The following USP33 variants were observed in gnomAD, a reference collection of about 807,000 sequenced individuals.
The protein encoded by USP33 is ubiquitin carboxyl-terminal hydrolase 33.
In USP33, 46 loss-of-function variants were observed where a neutral mutation model predicts 124.2. The observed-to-expected ratio is 0.37, with a 90% CI of 0.29 to 0.47. The LOEUF is 0.47. Ranked by LOEUF, USP33 falls within the 20% of genes least tolerant of loss-of-function variation. USP33 has a pLI of 0.99. For missense variants in USP33, 851 were observed against 1,070.6 expected, an observed-to-expected ratio of 0.79 and a Z score of 2.86; for synonymous variants, 350 against 352.3, an observed-to-expected ratio of 0.99 and a Z score of 0.07.
intron 11 of USP33, 105 bp downstream of exon 11, chr1:77,725,517 A>T: frequency 2.8e-6 from 4 of 1,419,118 alleles, no homozygotes; most frequent in Non-Finnish European, 3.8e-6. Flanking sequence ...ATTTTAAAAG[A>T]TCAAATCATA....
intron 21 of USP33, among the ~76,000 whole-genome samples, chr1:77,710,624 T>C (rs1221178778): frequency 2.6e-5 from 4 of 152,192 alleles, no homozygotes; most frequent in African/African-American, 2.4e-5. Flanking sequence ...AAAAAAGCCC[T>C]GAATCAATGA....
chr1:77,736,753 G>T (rs1016153918), intron 5 of USP33, among the ~76,000 whole-genome samples: 3 of 152,022 alleles, frequency 2.0e-5, no homozygotes, highest in African/African-American at 7.2e-5. Context: ...GGGACTATAG[G>T]TGCATGCCAC....
At chr1:77,734,189 A>T (rs1678159694) in intron 7 of USP33, among the ~76,000 whole-genome samples, 158 bp downstream of exon 7, 1 of 152,220 alleles carries the variant, frequency 6.6e-6, no homozygotes, top group Non-Finnish European at 1.5e-5. Context: ...ACGGGTATAC[A>T]TAGAGTAACA....
rs374405993 is a variant in USP33, at chr1:77,743,624, G to A, written c.-51-1876C>T. Reference sequence around the variant, plus strand: ...CATGTAGCTACAACTACAGGTGCACGCCATGTGATTAGACTACCCCAAGCC... The same window carrying A: ...CATGTAGCTACAACTACAGGTGCACACCATGTGATTAGACTACCCCAAGCC... On this transcript the variant is annotated intron_variant, in intron 1 of 23. Coordinates refer to ENST00000370794, the MANE Select transcript of USP33 (RefSeq NM_201624.3). Among the ~76,000 whole-genome samples the A allele has an allele frequency of 1.9e-4, 29 of 152,116 alleles. No individual in the cohort carries two copies. The East Asian group carries it at 3.7e-3, about 19-fold the overall frequency.
At chr1:77,702,835 T>C (rs559070667) in intron 21 of USP33, among the ~76,000 whole-genome samples, 3 of 151,898 alleles carry the variant, frequency 2.0e-5, no homozygotes, top group East Asian at 1.9e-4. Context: ...AAAACTGATA[T>C]AGAAAGAGAA....
chr1:77,700,979 G>A (rs1268327766), intron 22 of USP33, among the ~76,000 whole-genome samples: 2 of 152,100 alleles, frequency 1.3e-5, no homozygotes, highest in South Asian at 2.1e-4. Flanking sequence ...GATTATGGGC[G>A]TGAGCCACCG....
At chr1:77,751,129 A>G (rs1680292844) in intron 1 of USP33, among the ~76,000 whole-genome samples, 1 of 152,216 alleles carries the variant, frequency 6.6e-6, no homozygotes, top group African/African-American at 2.4e-5. Flanking sequence ...ACAAGTTGGA[A>G]ATCACAAAGA....
chr1:77,715,454 C>T (rs1353398568), intron 18 of USP33, among the ~76,000 whole-genome samples: 3 of 152,236 alleles, frequency 2.0e-5, no homozygotes, highest in Non-Finnish European at 2.9e-5. Flanking sequence ...ATCCACCCGC[C>T]TTGGCCTCCC....
intron 5 of USP33, among the ~76,000 whole-genome samples, chr1:77,738,538 T>C (rs184170982): frequency 1.3e-4 from 20 of 152,126 alleles, no homozygotes; most frequent in Non-Finnish European, 2.8e-4. Flanking sequence ...TGGAGTGCAG[T>C]GGCAAGGTCT....
chr1:77,719,440 T>C (rs1345204345), intron 15 of USP33, among the ~76,000 whole-genome samples: 1 of 152,204 alleles, frequency 6.6e-6, no homozygotes, highest in Non-Finnish European at 1.5e-5. Flanking sequence ...GAAAATTGTT[T>C]TGTTTTAACA....
chr1:77,721,576 T>C (rs1676563281), intron 14 of USP33: 4 of 495,504 alleles, frequency 8.1e-6, no homozygotes, highest in Admixed American at 3.9e-5. Flanking sequence ...TGCCCTTCTA[T>C]GGATCTCAGA....
At position 77,722,084 on chromosome 1, in the gene USP33, G is replaced by C; in HGVS notation, c.1502C>G (p.Ser501Ter). The C allele has an allele frequency of 6.2e-7, 1 of 1,614,046 alleles. No individual in the cohort carries two copies. The highest frequency in any genetic ancestry group is 8.5e-7 in the Non-Finnish European group (1 of 1,179,952). Reference protein sequence around the residue: ...SHPTSIVKAGSCGEAYAPQGW... With the variant: ...SHPTSIVKAG ...TTGTGGAGCATATGCTTCGCCACAT[G>C]ATCCTGCTTTGACTATAGAAGTTGG... is the stretch of plus-strand genomic sequence containing the variant. Residue 501 changes from serine (S) to a stop codon, truncating the protein, a stop_gained, in exon 13 of 24, where the codon TCA becomes TGA. Coordinates refer to ENST00000370794, the MANE Select transcript of USP33 (RefSeq NM_201624.3). LOFTEE classifies it high-confidence loss of function.
At chr1:77,721,701 A>C in intron 14 of USP33, 130 bp downstream of exon 14, 1 of 769,244 alleles carries the variant, frequency 1.3e-6, no homozygotes, top group Non-Finnish European at 2.1e-6. Flanking sequence ...ACACTAACCG[A>C]ATGCCAATAT....
intron 19 of USP33, among the ~76,000 whole-genome samples, chr1:77,713,875 C>G (rs1557825047): frequency 1.3e-5 from 2 of 152,200 alleles, no homozygotes; most frequent in Non-Finnish European, 2.9e-5. Context: ...TACACTCTCT[C>G]TCCCAAGAAC....
In USP33 at chr1:77,701,370, T is replaced by A; in HGVS notation, c.2508A>T (p.Gly836=). 6.3e-7 allele frequency: 1 copy of A among 1,595,502 alleles called. No individual in the cohort carries two copies. Among genetic ancestry groups the A allele is most frequent in the Non-Finnish European group, 8.5e-7 (1 of 1,175,154 alleles). ...AAAATTTTTCAGTCAACCACTTACC[T>A]CCATCTTTACCCTTCACAAAACTTT... ...EWESFVKGKD[G]DPPGPIDNTK... Residue 836 remains glycine (G), a splice_region_variant and synonymous_variant, in exon 22 of 24, where the codon GGA becomes GGT. Coordinates refer to ENST00000370794, the MANE Select transcript of USP33 (RefSeq NM_201624.3).
At chr1:77,711,537 A>G (rs1308793095) in intron 21 of USP33, 5 of 653,384 alleles carry the variant, frequency 7.7e-6, no homozygotes, top group Non-Finnish European at 1.1e-5. Context: ...ATACACACAC[A>G]CACACACACA....
At chr1:77,726,349 TAA>T (rs540315702) in intron 10 of USP33, among the ~76,000 whole-genome samples, 6 of 140,180 alleles carry the variant, frequency 4.3e-5, no homozygotes, top group Admixed American at 1.4e-4. Context: ...AATATAGCAT[TAA>T]AAAAAAAAAA....
chr1:77,698,028 T>TCAG (rs1160501195), intron 22 of USP33, 97 bp from the exon 23 acceptor site: 25 of 844,334 alleles, frequency 3.0e-5, no homozygotes, highest in Non-Finnish European at 4.7e-5. Flanking sequence ...AACTACATTA[T>TCAG]CAGACTGGTT....
intron 1 of USP33, among the ~76,000 whole-genome samples, chr1:77,744,878 C>T (rs748701835): frequency 2.0e-5 from 3 of 152,108 alleles, no homozygotes; most frequent in Non-Finnish European, 4.4e-5. Context: ...AAGTGCGACA[C>T]GGTGCTAAGA....
Sources: gnomAD v4.1 joint callset for allele counts (sites outside exome capture counted in the v4.1 genomes callset) on GRCh38, gnomAD v4.1.1 for gene constraint, MANE v1.5 for transcripts, NCBI Gene and HGNC (gene_info 2026-07-23, HGNC 2026-07-21) for gene names.